Variants in ANKRD44 observed in about 807,000 individuals in gnomAD.
The protein encoded by ANKRD44 is serine/threonine-protein phosphatase 6 regulatory ankyrin repeat subunit B.
ANKRD44 carries 35 observed loss-of-function variants against 116.0 expected under a neutral mutation model. The ratio of observed to expected loss-of-function variants is 0.30; its 90% confidence interval spans 0.23 to 0.40. The LOEUF is 0.40. Ranked by LOEUF, ANKRD44 falls within the 10% of genes least tolerant of loss-of-function variation. The pLI, the probability that ANKRD44 is intolerant of heterozygous loss-of-function variation, is 1.00. For synonymous variants in ANKRD44, 435 were observed against 461.8 expected, an observed-to-expected ratio of 0.94 and a Z score of 0.74; for missense variants, 1,014 against 1,242.6, an observed-to-expected ratio of 0.82 and a Z score of 2.77.
At chr2:197,007,256 G>A (rs1253876769) in intron 20 of ANKRD44, among the ~76,000 whole-genome samples, 1 of 151,972 alleles carries the variant, frequency 6.6e-6, no homozygotes, top group Non-Finnish European at 1.5e-5. Flanking sequence ...ACACAATGAG[G>A]CATTAAAAAT....
intron 2 of ANKRD44, among the ~76,000 whole-genome samples, chr2:197,156,074 T>C (rs535840765): frequency 1.0e-3 from 159 of 152,212 alleles, no homozygotes; most frequent in African/African-American, 2.6e-3. Context: ...GGGCCGGGCG[T>C]GGTGGCTCAC....
At chr2:197,006,526 C>A (rs1403584205) in intron 20 of ANKRD44, among the ~76,000 whole-genome samples, 1 of 152,166 alleles carries the variant, frequency 6.6e-6, no homozygotes, top group East Asian at 1.9e-4. Context: ...AATCTTGGCA[C>A]CCCTGTGACA....
At chr2:197,001,631 C>CA in intron 22 of ANKRD44, 122 bp downstream of exon 22, 1 of 678,848 alleles carries the variant, frequency 1.5e-6, no homozygotes, top group Non-Finnish European at 2.4e-6. Flanking sequence ...TCTTTAGCAG[C>CA]AAAAATGGAA....
At chr2:197,005,573 G>T in intron 21 of ANKRD44, 121 bp downstream of exon 21, 5 of 882,166 alleles carry the variant, frequency 5.7e-6, no homozygotes, top group Non-Finnish European at 8.7e-6. Flanking sequence ...AAGATATCTT[G>T]GATGCAGAAA....
At position 197,074,037 on chromosome 2, in the gene ANKRD44, A is replaced by G. The variant is rs981421679; in HGVS notation, c.1650+4666T>C. Among the ~76,000 whole-genome samples the G allele has an allele frequency of 4.9e-4, 75 of 152,226 alleles. 1 individual carries two copies. Among genetic ancestry groups the G allele is most frequent in the African/African-American group, 1.8e-3 (74 of 41,452 alleles). ...AATTGTCTATTCCACTGTTTTGGAT[A>G]TAGATTTACATCCAAATTCTAACTC... On this transcript the variant is annotated intron_variant, in intron 16 of 27. Transcript: ENST00000282272.
chr2:196,990,044 CA>C, intron 27 of ANKRD44: 1 of 1,008,222 alleles, frequency 9.9e-7, no homozygotes. Context: ...CTGTGTTAAA[CA>C]AAAAAAGCAA....
At chr2:197,187,194 A>G in intron 1 of ANKRD44, 88 bp from the exon 2 acceptor site, 9 of 1,343,384 alleles carry the variant, frequency 6.7e-6, no homozygotes, top group Non-Finnish European at 9.5e-6. Context: ...TTGTTCCTTA[A>G]AAGTTTATTG....
intron 16 of ANKRD44, among the ~76,000 whole-genome samples, chr2:197,066,904 G>C (rs1297199427): frequency 6.6e-6 from 1 of 152,168 alleles, no homozygotes; most frequent in Admixed American, 6.5e-5. Flanking sequence ...AGCTACCAAT[G>C]ACTTTCTTCA....
chr2:197,128,793 C>A (rs965931002), intron 4 of ANKRD44, among the ~76,000 whole-genome samples: 4 of 152,104 alleles, frequency 2.6e-5, no homozygotes, highest in Admixed American at 2.6e-4. Flanking sequence ...AGTCTTTAAT[C>A]CATCAAGAAA....
intron 1 of ANKRD44, among the ~76,000 whole-genome samples, chr2:197,271,860 C>T (rs556357075): frequency 6.6e-6 from 1 of 152,306 alleles, no homozygotes; most frequent in South Asian, 2.1e-4. Context: ...CCTTGGCCTC[C>T]CAAAGTGCTG....
intron 8 of ANKRD44, among the ~76,000 whole-genome samples, chr2:197,115,902 T>C (rs2078696437): frequency 6.6e-6 from 1 of 152,108 alleles, no homozygotes; most frequent in Non-Finnish European, 1.5e-5. Flanking sequence ...ACAGAATAGA[T>C]GAAGGGAGAC....
At chr2:197,222,178 G>A (rs1006016063) in intron 1 of ANKRD44, among the ~76,000 whole-genome samples, 6 of 152,122 alleles carry the variant, frequency 3.9e-5, no homozygotes, top group African/African-American at 1.2e-4. Flanking sequence ...CTGTGTCCTG[G>A]GGTTGCCCAC....
At position 197,013,673 on chromosome 2, in the gene ANKRD44, G is replaced by C. The variant is rs760511356; in HGVS notation, c.1762C>G (p.Gln588Glu). 1 of 1,613,756 alleles carries C rather than the reference G, an allele frequency of 6.2e-7. No individual in the cohort carries two copies. The highest frequency in any genetic ancestry group is 1.1e-5 in the South Asian group (1 of 91,054). ...CTGATGTCCAGGTCCACCAACGACT[G>C]CAGAAGGACTTCCAAGGCTTGATGG... ...GHHQALEVLL[Q>E]SLVDLDIRDE... Residue 588 changes from glutamine (Q) to glutamate (E), a missense_variant, in exon 18 of 28, where the codon CAG (glutamine) becomes GAG (glutamate). Gln to Glu is a conservative substitution (Grantham distance 29). Coordinates refer to ENST00000282272, the MANE Select transcript of ANKRD44 (RefSeq NM_001195144.2).
chr2:196,972,331 G>A (rs1042241089), intron 21 of ANKRD44, among the ~76,000 whole-genome samples: 5 of 152,164 alleles, frequency 3.3e-5, no homozygotes, highest in Non-Finnish European at 7.3e-5. Flanking sequence ...AGCCACCTGA[G>A]CAGCTGGGAC....
At chr2:197,059,752 A>G (rs530416859) in intron 16 of ANKRD44, among the ~76,000 whole-genome samples, 2 of 152,360 alleles carry the variant, frequency 1.3e-5, no homozygotes, top group East Asian at 3.9e-4. Flanking sequence ...TCCTTACTTC[A>G]ATGTACTGTG....
chr2:197,067,279 T>C (rs367747424), intron 16 of ANKRD44, among the ~76,000 whole-genome samples: 1 of 152,072 alleles, frequency 6.6e-6, no homozygotes, highest in South Asian at 2.1e-4. Flanking sequence ...ATACAAAAAT[T>C]AATTCAAGAT....
chr2:197,108,673 C>T (rs1271204678), intron 9 of ANKRD44, among the ~76,000 whole-genome samples: 1 of 152,118 alleles, frequency 6.6e-6, no homozygotes, highest in East Asian at 1.9e-4. Flanking sequence ...AACCCCATCT[C>T]TAGTAAAAAT....
intron 1 of ANKRD44, among the ~76,000 whole-genome samples, chr2:197,257,104 G>T (rs2082469498): frequency 6.6e-6 from 1 of 152,166 alleles, no homozygotes; most frequent in African/African-American, 2.4e-5. Flanking sequence ...CCTTGCACAG[G>T]TTTAGTGTTT....
intron 21 of ANKRD44, among the ~76,000 whole-genome samples, chr2:196,971,358 TA>T (rs1291448541): frequency 1.3e-5 from 2 of 152,100 alleles, no homozygotes; most frequent in Non-Finnish European, 2.9e-5. Context: ...TTATTATTTT[TA>T]TTATTATTAT....
Sources: gnomAD v4.1 joint callset for allele counts (sites outside exome capture counted in the v4.1 genomes callset) on GRCh38, gnomAD v4.1.1 for gene constraint, MANE v1.5 for transcripts, NCBI Gene and HGNC (gene_info 2026-07-23, HGNC 2026-07-21) for gene names.